Variants in ARL15 observed in about 807,000 individuals in gnomAD.
ARL15 encodes ADP-ribosylation factor-like protein 15.
A neutral mutation model predicts 25.2 loss-of-function variants in ARL15; 19 were observed. That is an observed-to-expected ratio of 0.75 (90% confidence interval 0.53 to 1.10). The LOEUF (loss-of-function observed/expected upper bound fraction) is 1.10, where lower values mean the gene tolerates loss of function less well. Ranked by LOEUF, ARL15 falls within the 50% of genes least tolerant of loss-of-function variation. ARL15 has a pLI of 0.00. For synonymous variants in ARL15, 94 were observed against 86.8 expected (o/e 1.08, Z -0.46); for missense variants, 220 against 246.0 (o/e 0.89, Z 0.71).
intron 4 of ARL15, among the ~76,000 whole-genome samples, chr5:53,915,587 G>A (rs919455092): frequency 6.6e-6 from 1 of 152,144 alleles, no homozygotes; most frequent in African/African-American, 2.4e-5. Flanking sequence ...ATTTTATTTT[G>A]TGGAGAATAG....
At chr5:54,270,019 T>C (rs1430563749) in intron 1 of ARL15, among the ~76,000 whole-genome samples, 1 of 152,212 alleles carries the variant, frequency 6.6e-6, no homozygotes, top group Non-Finnish European at 1.5e-5. Flanking sequence ...CATTTTTTAA[T>C]GTAGATATAA....
At chr5:54,243,146 T>C (rs1025755909) in intron 1 of ARL15, among the ~76,000 whole-genome samples, 1 of 152,218 alleles carries the variant, frequency 6.6e-6, no homozygotes, top group Non-Finnish European at 1.5e-5. Flanking sequence ...AAAAAGATTT[T>C]AAAAGGAGGT....
At chr5:53,894,527 C>A (rs1318286163) in intron 4 of ARL15, among the ~76,000 whole-genome samples, 3 of 152,126 alleles carry the variant, frequency 2.0e-5, no homozygotes, top group Non-Finnish European at 4.4e-5. Flanking sequence ...TTTTGGTATG[C>A]CTTAGGGGCT....
chr5:54,195,076 C>G (rs775663435), intron 1 of ARL15, among the ~76,000 whole-genome samples: 2 of 152,150 alleles, frequency 1.3e-5, no homozygotes, highest in Admixed American at 6.6e-5. Flanking sequence ...CAGGCAATAT[C>G]ATTCTTATTT....
intron 4 of ARL15, among the ~76,000 whole-genome samples, chr5:53,898,929 T>C (rs1034182632): frequency 2.0e-5 from 3 of 152,140 alleles, no homozygotes; most frequent in African/African-American, 7.2e-5. Flanking sequence ...GCTGGGATTA[T>C]AGGCATGAGC....
chr5:54,269,232 T>C (rs990668561), intron 1 of ARL15, among the ~76,000 whole-genome samples: 3 of 151,844 alleles, frequency 2.0e-5, no homozygotes, highest in Non-Finnish European at 2.9e-5. Context: ...AAGAATAAAA[T>C]AAAATAAAAT....
intron 4 of ARL15, among the ~76,000 whole-genome samples, chr5:54,016,002 A>G (rs1749415714): frequency 6.6e-6 from 1 of 152,122 alleles, no homozygotes; most frequent in African/African-American, 2.4e-5. Flanking sequence ...TTGTGTCACC[A>G]CCACCCAGAA....
chr5:54,267,874 G>A (rs1445215626), intron 1 of ARL15, among the ~76,000 whole-genome samples: 7 of 150,108 alleles, frequency 4.7e-5, no homozygotes, highest in South Asian at 2.2e-4. Context: ...TGGGTAACCC[G>A]ACCTTTCTCT....
At chr5:54,155,931 C>G (rs1754220519) in intron 2 of ARL15, among the ~76,000 whole-genome samples, 1 of 152,056 alleles carries the variant, frequency 6.6e-6, no homozygotes, top group South Asian at 2.1e-4. Flanking sequence ...AACCATTCTA[C>G]TTAAGGTTTT....
chr5:54,149,497 G>C (rs1452070489), intron 3 of ARL15, among the ~76,000 whole-genome samples: 3 of 152,154 alleles, frequency 2.0e-5, no homozygotes, highest in Non-Finnish European at 4.4e-5. Context: ...GCGGCAAAGT[G>C]AGAGTATGAT....
intron 3 of ARL15, among the ~76,000 whole-genome samples, chr5:54,132,637 G>T (rs1035592585): frequency 6.6e-6 from 1 of 151,994 alleles, no homozygotes; most frequent in Non-Finnish European, 1.5e-5. Flanking sequence ...CTACTCCATA[G>T]ATAGGGGCTG....
intron 2 of ARL15, among the ~76,000 whole-genome samples, chr5:54,168,237 C>A (rs1754630439): frequency 6.6e-6 from 1 of 152,094 alleles, no homozygotes; most frequent in African/African-American, 2.4e-5. Flanking sequence ...TACCCCTGGA[C>A]AAGCTCATCC....
intron 4 of ARL15, among the ~76,000 whole-genome samples, chr5:54,089,798 T>A (rs201563881): frequency 5.9e-5 from 9 of 152,292 alleles, no homozygotes; most frequent in Middle Eastern, 3.4e-3. Flanking sequence ...CAGGCATGTA[T>A]TAATATTATA....
At chr5:54,222,813 T>C (rs1756413278) in intron 1 of ARL15, among the ~76,000 whole-genome samples, 5 of 152,042 alleles carry the variant, frequency 3.3e-5, no homozygotes, top group Admixed American at 3.3e-4. Flanking sequence ...TGGCTTAAGG[T>C]ATAATACTTT....
intron 1 of ARL15, among the ~76,000 whole-genome samples, chr5:54,253,614 C>T (rs898330400): frequency 6.6e-6 from 1 of 151,278 alleles, no homozygotes; most frequent in Admixed American, 6.6e-5. Flanking sequence ...TTCTTTGAGA[C>T]AGGGTCTCAC....
At chr5:53,967,753 C>T (rs1035178967) in intron 4 of ARL15, among the ~76,000 whole-genome samples, 1 of 151,988 alleles carries the variant, frequency 6.6e-6, no homozygotes, top group Non-Finnish European at 1.5e-5. Context: ...AGAGATTTGC[C>T]CAGCGATCAG....
At chr5:53,947,697 C>T (rs1167825623) in intron 4 of ARL15, among the ~76,000 whole-genome samples, 1 of 152,146 alleles carries the variant, frequency 6.6e-6, no homozygotes, top group African/African-American at 2.4e-5. Context: ...TGGGACTAGA[C>T]CCCGAGGTCT....
chr5:54,063,431 T>G (rs1439717542), intron 4 of ARL15, among the ~76,000 whole-genome samples: 1 of 152,194 alleles, frequency 6.6e-6, no homozygotes, highest in Non-Finnish European at 1.5e-5. Context: ...GAGTCCAGCT[T>G]GTGGGCAGAC....
intron 1 of ARL15, among the ~76,000 whole-genome samples, chr5:54,254,011 A>AT (rs1757305185): frequency 6.6e-6 from 1 of 152,242 alleles, no homozygotes; most frequent in African/African-American, 2.4e-5. Flanking sequence ...TTCTTAAGAC[A>AT]TGGGAGCATT....
Sources: allele counts gnomAD v4.1 joint callset (sites outside exome capture counted in the v4.1 genomes callset), GRCh38; gene constraint gnomAD v4.1.1; transcripts MANE v1.5; gene names NCBI Gene and HGNC (gene_info 2026-07-23, HGNC 2026-07-21).